The following STOX2 variants were observed in gnomAD, a reference collection of about 807,000 sequenced individuals.
The protein encoded by STOX2 is storkhead-box protein 2.
A neutral mutation model predicts 60.9 loss-of-function variants in STOX2; 28 were observed. The observed-to-expected ratio is 0.46, with a 90% confidence interval of 0.34 to 0.63. The LOEUF (loss-of-function observed/expected upper bound fraction) is 0.63. Ranked by LOEUF, STOX2 falls within the 30% of genes least tolerant of loss-of-function variation. The pLI is 0.01. For synonymous variants in STOX2, 472 were observed against 463.9 expected (o/e 1.02, Z -0.22); for missense variants, 1,024 against 1,187.7 (o/e 0.86, Z 2.03).
At chr4:183,833,844 T>C (rs1579315776) in intron 1 of STOX2, among the ~76,000 whole-genome samples, 2 of 150,666 alleles carry the variant, frequency 1.3e-5, no homozygotes, top group South Asian at 2.1e-4. Flanking sequence ...TAGCCGGGCG[T>C]GGTGGCAGGC....
intron 2 of STOX2, among the ~76,000 whole-genome samples, chr4:184,004,797 A>G (rs994623378): frequency 2.2e-4 from 33 of 152,350 alleles, no homozygotes; most frequent in African/African-American, 7.5e-4. Flanking sequence ...GTATTTCTAA[A>G]TAACTATGCA....
chr4:183,798,776 C>T, intron 1 of STOX2: 1 of 985,388 alleles, frequency 1.0e-6, no homozygotes, highest in Non-Finnish European at 1.2e-6. Flanking sequence ...TGAAGGTCGC[C>T]GCCGCGTTTC....
chr4:183,840,847 G>T (rs905749816), intron 1 of STOX2, among the ~76,000 whole-genome samples: 2 of 152,124 alleles, frequency 1.3e-5, no homozygotes, highest in African/African-American at 4.8e-5. Flanking sequence ...GTGGATCTGC[G>T]GGAGAGAGTT....
At chr4:183,996,232 C>A (rs1010210159) in intron 1 of STOX2, among the ~76,000 whole-genome samples, 1 of 152,160 alleles carries the variant, frequency 6.6e-6, no homozygotes, top group African/African-American at 2.4e-5. Context: ...GAAAATAAAG[C>A]TGAACTAAAA....
intron 1 of STOX2, among the ~76,000 whole-genome samples, chr4:183,946,011 A>G (rs947630755): frequency 2.0e-5 from 3 of 152,220 alleles, no homozygotes; most frequent in Non-Finnish European, 2.9e-5. Context: ...ACAATTTAAC[A>G]TATTTTCTAT....
chr4:183,972,920 A>G (rs1475228280), intron 1 of STOX2, among the ~76,000 whole-genome samples: 1 of 152,200 alleles, frequency 6.6e-6, no homozygotes, highest in Non-Finnish European at 1.5e-5. Context: ...GTGAGTGGTA[A>G]TTTTAGAACT....
At chr4:183,807,397 C>G (rs1009755148) in intron 1 of STOX2, among the ~76,000 whole-genome samples, 9 of 152,226 alleles carry the variant, frequency 5.9e-5, no homozygotes, top group African/African-American at 1.7e-4. Flanking sequence ...TGGTGTGACC[C>G]CTTTGGGATG....
chr4:183,884,837 G>A (rs1741044289), intron 1 of STOX2, among the ~76,000 whole-genome samples: 1 of 152,196 alleles, frequency 6.6e-6, no homozygotes, highest in South Asian at 2.1e-4. Context: ...GTTAGGGAGA[G>A]TGGGATCCCG....
intron 1 of STOX2, among the ~76,000 whole-genome samples, chr4:183,913,170 G>A (rs756059139): frequency 6.6e-6 from 1 of 152,172 alleles, no homozygotes; most frequent in Non-Finnish European, 1.5e-5. Flanking sequence ...GAAGGTTGAG[G>A]AAGCGGTACA....
intron 1 of STOX2, among the ~76,000 whole-genome samples, chr4:183,921,653 A>G (rs1166139108): frequency 3.3e-5 from 5 of 152,258 alleles, no homozygotes; most frequent in Admixed American, 6.5e-5. Context: ...CTTGGAATGT[A>G]TAAGATTTAA....
chr4:183,877,092 TC>T (rs1030049303), intron 1 of STOX2, among the ~76,000 whole-genome samples: 1 of 152,168 alleles, frequency 6.6e-6, no homozygotes, highest in African/African-American at 2.4e-5. Context: ...TTACCCAATT[TC>T]AAAAAATATG....
At chr4:183,851,050 C>T (rs868771298) in intron 1 of STOX2, among the ~76,000 whole-genome samples, 98 of 57,002 alleles carry the variant, frequency 1.7e-3, no homozygotes, top group African/African-American at 7.2e-3. Context: ...ATGAGAGAAA[C>T]GATGAGAGAA....
chr4:183,984,210 G>A (rs72695402), intron 1 of STOX2, among the ~76,000 whole-genome samples: 2,110 of 152,336 alleles, frequency 0.014, 27 homozygotes, highest in Non-Finnish European at 0.023. Context: ...TGGAGCTTAT[G>A]TTATGACATA....
rs1430689033 is a variant in STOX2, at chr4:183,806,899, C to T, written c.364+8844C>T. On this transcript the variant is annotated intron_variant, in intron 1 of 2. Transcript: ENST00000513034. The surrounding 1 kb of genome is among the most constrained non-coding windows in gnomAD (Gnocchi z 4.1). ...CCAGACTCCCCCGCATGCACTGCCC[C>T]CACGGCCCCACAGCTCGAAGCCCCC... Among the ~76,000 whole-genome samples, 2 of 152,170 alleles carry T rather than the reference C, an allele frequency of 1.3e-5. No homozygotes were observed. The highest frequency in any genetic ancestry group is 6.5e-5 in the Admixed American group (1 of 15,282).
intron 1 of STOX2, among the ~76,000 whole-genome samples, chr4:183,872,128 T>C (rs756603465): frequency 1.3e-4 from 20 of 152,172 alleles, no homozygotes; most frequent in Non-Finnish European, 2.8e-4. Flanking sequence ...CAATCTTGGC[T>C]CACTGCAACC....
At chr4:183,952,447 A>C (rs1333044639) in intron 1 of STOX2, among the ~76,000 whole-genome samples, 3 of 152,258 alleles carry the variant, frequency 2.0e-5, no homozygotes, top group Admixed American at 6.5e-5. Context: ...ATATATTTAG[A>C]TTCCTTTCCA....
rs559464721 is a variant in STOX2, at chr4:183,807,050, G to A, written c.364+8995G>A. Among the ~76,000 whole-genome samples, 34 of 152,124 alleles carry A rather than the reference G, an allele frequency of 2.2e-4. No homozygotes were observed. The South Asian group carries it at 3.7e-3, about 17-fold the overall frequency. On this transcript the variant is annotated intron_variant, in intron 1 of 2. Coordinates refer to the STOX2 transcript ENST00000513034. ...TGCAGTGGCGCGATCTCGGCTCACT[G>A]CAAGCTCCGTCTCCCGGGTTCACGC...
At chr4:183,882,069 A>T (rs1351993125) in intron 1 of STOX2, among the ~76,000 whole-genome samples, 1 of 152,238 alleles carries the variant, frequency 6.6e-6, no homozygotes, top group East Asian at 1.9e-4. Flanking sequence ...TGAGTAAGTG[A>T]CAGATACTAG....
intron 1 of STOX2, among the ~76,000 whole-genome samples, chr4:183,852,543 A>T (rs572118607): frequency 1.4e-5 from 2 of 147,550 alleles, no homozygotes; most frequent in African/African-American, 5.3e-5. Context: ...GAGGGAAAGG[A>T]TGAGGGAAAG....
Sources: gnomAD v4.1 joint callset for allele counts (sites outside exome capture counted in the v4.1 genomes callset) on GRCh38, gnomAD v4.1.1 for gene constraint, Gnocchi (gnomAD v3.1) non-coding constraint, MANE v1.5 for transcripts, NCBI Gene and HGNC (gene_info 2026-07-23, HGNC 2026-07-21) for gene names.